The following MAP3K8 variants were observed in gnomAD, a reference collection of about 807,000 sequenced individuals.
MAP3K8 encodes mitogen-activated protein kinase kinase kinase 8.
MAP3K8 carries 22 observed loss-of-function variants against 45.8 expected under a neutral mutation model. The ratio of observed to expected loss-of-function variants is 0.48; its 90% CI spans 0.34 to 0.69. MAP3K8 has a LOEUF of 0.69. Ranked by LOEUF, MAP3K8 falls within the 30% of genes least tolerant of loss-of-function variation. The probability of loss-of-function intolerance (pLI) is 0.01; values close to 1 mark genes in which losing one functional copy is unlikely to be tolerated. For synonymous variants in MAP3K8, 223 were observed against 214.3 expected (o/e 1.04, Z -0.36); for missense variants, 419 against 585.0 (o/e 0.72, Z 2.93).
rs145319860 is a variant in MAP3K8, at chr10:30,451,604, A to C, written c.767-34A>C. 1.5e-5 allele frequency: 19 copies of C among 1,306,262 alleles called. No individual in the cohort carries two copies. In the African/African-American group the frequency reaches 1.6e-4, roughly 11 times the overall value. The allele number at this position is 1,306,262 out of a possible 1,614,324, so 80.9% of individuals were successfully genotyped here. A position where few individuals can be genotyped will look rare whatever the true frequency, so the allele number is the denominator to read the frequency against. The stretch of plus-strand genomic sequence containing the variant: ...TCATTTGACTTATGGGTATATAAAA[A>C]ATTTTATCTTAAAAATATTTCCTCT... On this transcript the variant is annotated intron_variant, in intron 5 of 8. Coordinates refer to ENST00000263056, the MANE Select transcript of MAP3K8 (RefSeq NM_005204.4).
At chr10:30,450,627 T>C in intron 5 of MAP3K8, 108 bp downstream of exon 5, 2 of 931,260 alleles carry the variant, frequency 2.1e-6, no homozygotes, top group East Asian at 2.4e-5. Context: ...GGTGGAAAGC[T>C]CCCTCAGAGC....
rs541055794 is a variant in MAP3K8, at chr10:30,449,627, A to T, written c.505-631A>T. On this transcript the variant is annotated intron_variant, in intron 4 of 8. Transcript: ENST00000263056. ...ATTATGTCTTGGTTTCTCTTATTGT[A>T]ATAAGAGAGTAGCTGGGATTACAGG... Among the ~76,000 whole-genome samples, 11 of 152,282 alleles carry T rather than the reference A, an allele frequency of 7.2e-5. No homozygotes were observed. In the South Asian group the frequency reaches 1.7e-3, roughly 23 times the overall value.
rs148080797 is a variant in MAP3K8, at chr10:30,440,608, T to C, written c.336+1334T>C. Among the ~76,000 whole-genome samples, 618 of 152,312 alleles carry C rather than the reference T, an allele frequency of 4.1e-3. 4 individuals carry two copies. Among genetic ancestry groups the C allele is most frequent in the African/African-American group, 0.014 (563 of 41,564 alleles). The stretch of plus-strand genomic sequence containing the variant: ...CTCTATTTAATAGTCGACTAAGTAC[T>C]TTACCTTCAGAATATTTCTTCCTTT... On this transcript the variant is annotated intron_variant, in intron 3 of 8. Transcript: ENST00000263056.
intron 4 of MAP3K8, among the ~76,000 whole-genome samples, chr10:30,448,801 G>A (rs1836435517): frequency 1.3e-5 from 2 of 152,190 alleles, no homozygotes; most frequent in Non-Finnish European, 2.9e-5. Context: ...TACATAAGGT[G>A]AGCATTCACA....
At chr10:30,452,169 A>AT (rs1345934162) in intron 6 of MAP3K8, among the ~76,000 whole-genome samples, 1 of 151,390 alleles carries the variant, frequency 6.6e-6, no homozygotes, top group Admixed American at 6.6e-5. Flanking sequence ...CCCCATCTCT[A>AT]TAAAAAAAAA....
intron 7 of MAP3K8, among the ~76,000 whole-genome samples, chr10:30,458,862 C>A (rs529318873): frequency 6.6e-6 from 1 of 152,222 alleles, no homozygotes; most frequent in African/African-American, 2.4e-5. Context: ...ATCTCTTGAG[C>A]CCAGAAATTC....
At chr10:30,459,763 G>A (rs980449952) in intron 8 of MAP3K8, among the ~76,000 whole-genome samples, 1 of 151,910 alleles carries the variant, frequency 6.6e-6, no homozygotes, top group Admixed American at 6.6e-5. Flanking sequence ...TTGCTTTTTT[G>A]CAACTTGCTT....
At chr10:30,454,238 G>C (rs961101133) in intron 6 of MAP3K8, among the ~76,000 whole-genome samples, 1 of 152,112 alleles carries the variant, frequency 6.6e-6, no homozygotes, top group Non-Finnish European at 1.5e-5. Context: ...GTCAGTCTTG[G>C]TGTTCAATCA....
Position 30,450,403 on chromosome 10 carries a change from A to G in MAP3K8, c.650A>G (p.Glu217Gly). ...GCAGGCGAGGGAGGGTCTGTTCTGG[A>G]GAAACTGGAGAGCTGTGGACCAATG... ...MEAGEGGSVLEKLESCGPMRE... is the reference protein window; with the variant it reads ...MEAGEGGSVLGKLESCGPMRE... Residue 217 changes from glutamate (E) to glycine (G), a missense_variant, in exon 5 of 9, where the codon GAG becomes GGG. Glu to Gly is a moderately conservative substitution (Grantham distance 98). This residue lies in a region of MAP3K8 where 209 missense variants were observed against 367.3 expected (regional missense o/e 0.57). Coordinates refer to ENST00000263056, the MANE Select transcript of MAP3K8 (RefSeq NM_005204.4). 3.1e-6 allele frequency: 5 copies of G among 1,614,126 alleles called. No homozygotes were observed. The highest frequency in any genetic ancestry group is 4.2e-6 in the Non-Finnish European group (5 of 1,180,020).
intron 4 of MAP3K8, 49 bp from the exon 5 acceptor site, chr10:30,450,209 A>G (rs377221572): frequency 2.3e-5 from 35 of 1,520,490 alleles, no homozygotes; most frequent in Non-Finnish European, 3.0e-5. Flanking sequence ...TATATTTTTA[A>G]GATGACTTTG....
At chr10:30,448,737 C>T (rs1217909396) in intron 4 of MAP3K8, among the ~76,000 whole-genome samples, 4 of 151,916 alleles carry the variant, frequency 2.6e-5, no homozygotes, top group Non-Finnish European at 5.9e-5. Context: ...CTGCCCTTAT[C>T]CCTTCTTATT....
chr10:30,459,398 G>T lies in MAP3K8; in HGVS notation c.1170G>T (p.Pro390=). Residue 390 remains proline (P), a synonymous_variant, in exon 8 of 9, where the codon CCG becomes CCT. Coordinates refer to ENST00000263056, the MANE Select transcript of MAP3K8 (RefSeq NM_005204.4). ...ADLLKHEALN[P]PREDQPRCQS... ...TACTAAAACATGAGGCCCTGAACCC[G>T]CCCAGAGAGGATCAGCCACGCTGTC... 1 of 1,614,134 alleles carries T rather than the reference G, an allele frequency of 6.2e-7. No individual in the cohort carries two copies.
intron 4 of MAP3K8, among the ~76,000 whole-genome samples, chr10:30,448,960 T>C (rs1190289332): frequency 6.6e-6 from 1 of 152,200 alleles, no homozygotes. Context: ...TCCAAAATGC[T>C]GAAATGGGAT....
intron 8 of MAP3K8, 22 bp downstream of exon 8, chr10:30,459,523 C>T: frequency 6.2e-7 from 1 of 1,611,398 alleles, no homozygotes; most frequent in Non-Finnish European, 8.5e-7. Context: ...CTGCTGTGTG[C>T]CGCACACTTA....
intron 3 of MAP3K8, among the ~76,000 whole-genome samples, chr10:30,443,133 A>G (rs1836171973): frequency 6.6e-6 from 1 of 152,206 alleles, no homozygotes; most frequent in Non-Finnish European, 1.5e-5. Flanking sequence ...GCAGTGGTGA[A>G]GACGATGGGT....
intron 1 of MAP3K8, 40 bp from the exon 2 acceptor site, chr10:30,437,136 T>C: frequency 1.0e-6 from 1 of 984,114 alleles, no homozygotes; most frequent in Non-Finnish European, 1.2e-6. Flanking sequence ...ATTTCATAGG[T>C]TTCTGCCTTT....
Position 30,459,452 on chromosome 10 carries a change from C to G in MAP3K8, c.1224C>G (p.Arg408=). The G allele has an allele frequency of 1.2e-6, 2 of 1,614,132 alleles. No individual in the cohort carries two copies. Among genetic ancestry groups the G allele is most frequent in the Non-Finnish European group, 1.7e-6 (2 of 1,180,028 alleles). The change falls in exon 8 of 9, where the codon CGC becomes CGG. Residue 408 remains arginine (R), a synonymous_variant. Coordinates refer to ENST00000263056, the MANE Select transcript of MAP3K8 (RefSeq NM_005204.4). ...GTCTGGACTCTGCCCTCTTGGAGCG[C>G]AAGAGGCTGCTGAGTAGGAAGGAGC... ...CQSLDSALLE[R]KRLLSRKELE...
chr10:30,458,947 A>G (rs1836838185), intron 7 of MAP3K8, among the ~76,000 whole-genome samples: 1 of 152,136 alleles, frequency 6.6e-6, no homozygotes, highest in Non-Finnish European at 1.5e-5. Flanking sequence ...GTGGTGGTGT[A>G]TGCCCTGTGG....
intron 3 of MAP3K8, among the ~76,000 whole-genome samples, chr10:30,443,418 T>A (rs1836184390): frequency 6.6e-6 from 1 of 152,250 alleles, no homozygotes; most frequent in Non-Finnish European, 1.5e-5. Context: ...CAAAATTTTT[T>A]AAATTGCATG....
Sources: gnomAD v4.1 joint callset for allele counts (sites outside exome capture counted in the v4.1 genomes callset) on GRCh38, gnomAD v4.1.1 for gene constraint, gnomAD v4.1.1 regional missense constraint, MANE v1.5 for transcripts, NCBI Gene and HGNC (gene_info 2026-07-23, HGNC 2026-07-21) for gene names.